Variants in UNC79 observed in about 807,000 individuals in gnomAD.
The protein encoded by UNC79 is unc-79 subunit of NALCN channel complex, also known as protein unc-79 homolog.
UNC79 carries 37 observed loss-of-function variants against 283.1 expected under a neutral mutation model. The ratio of observed to expected loss-of-function variants is 0.13; its 90% CI spans 0.10 to 0.17. The LOEUF (loss-of-function observed/expected upper bound fraction) is 0.17. Among genes scored for constraint, UNC79 ranks in the 10% least tolerant of loss-of-function variants. UNC79 has a pLI of 1.00. For synonymous variants in UNC79, 1,107 were observed against 1,200.2 expected (o/e 0.92, Z 1.61); for missense variants, 2,272 against 3,211.1 (o/e 0.71, Z 7.07).
chr14:93,605,978 A>G (rs1160097349), intron 26 of UNC79, among the ~76,000 whole-genome samples: 2 of 152,144 alleles, frequency 1.3e-5, no homozygotes, highest in South Asian at 2.1e-4. Flanking sequence ...GATTTTTTTT[A>G]AAAGAATAAA....
chr14:93,478,379 C>A (rs538701225), intron 4 of UNC79, among the ~76,000 whole-genome samples: 2 of 152,022 alleles, frequency 1.3e-5, no homozygotes, highest in Non-Finnish European at 2.9e-5. Context: ...TCCAGACATG[C>A]GCACAAAGAG....
intron 12 of UNC79, among the ~76,000 whole-genome samples, chr14:93,539,145 C>T (rs2061245433): frequency 6.6e-6 from 1 of 150,660 alleles, no homozygotes; most frequent in East Asian, 2.0e-4. Flanking sequence ...TCAGATGATC[C>T]ACCCGCCTGG....
At chr14:93,514,434 G>A (rs2059966043) in intron 7 of UNC79, among the ~76,000 whole-genome samples, 1 of 152,088 alleles carries the variant, frequency 6.6e-6, no homozygotes, top group Non-Finnish European at 1.5e-5. Flanking sequence ...TCTTTGCTTT[G>A]GCTACATTGG....
chr14:93,633,947 T>TA (rs1464228816), intron 31 of UNC79, among the ~76,000 whole-genome samples: 7 of 152,164 alleles, frequency 4.6e-5, no homozygotes, highest in Non-Finnish European at 8.8e-5. Context: ...TTGGAGTTGA[T>TA]ATGTTTTGGT....
At chr14:93,578,983 A>ATT (rs2063627394) in intron 18 of UNC79, among the ~76,000 whole-genome samples, 1 of 151,814 alleles carries the variant, frequency 6.6e-6, no homozygotes, top group South Asian at 2.1e-4. Context: ...ATTATTTTTA[A>ATT]TTTTTGTGGG....
intron 14 of UNC79, among the ~76,000 whole-genome samples, chr14:93,565,245 G>C (rs1330382154): frequency 2.0e-5 from 3 of 152,158 alleles, no homozygotes; most frequent in Non-Finnish European, 4.4e-5. Flanking sequence ...ATTGGTCGTT[G>C]GGTTGGGGCT....
chr14:93,626,854 A>G (rs2067608375), intron 30 of UNC79, among the ~76,000 whole-genome samples: 1 of 152,166 alleles, frequency 6.6e-6, no homozygotes. Flanking sequence ...ACAACTCTAT[A>G]CTATCTCCAA....
intron 7 of UNC79, among the ~76,000 whole-genome samples, chr14:93,499,310 A>G (rs2059173475): frequency 6.6e-6 from 1 of 152,256 alleles, no homozygotes; most frequent in African/African-American, 2.4e-5. Context: ...CATTAATAGA[A>G]TAAAAGGTGA....
intron 1 of UNC79, among the ~76,000 whole-genome samples, chr14:93,414,958 A>C (rs1476313187): frequency 2.0e-5 from 3 of 152,200 alleles, no homozygotes; most frequent in African/African-American, 7.2e-5. Flanking sequence ...CAGTCATGTC[A>C]TCTGCAAACA....
intron 24 of UNC79, among the ~76,000 whole-genome samples, chr14:93,599,532 C>T (rs983676795): frequency 2.0e-5 from 3 of 152,182 alleles, no homozygotes; most frequent in Non-Finnish European, 4.4e-5. Context: ...CTCCAGTTGA[C>T]TTCTGAATAG....
chr14:93,627,070 C>A lies in UNC79; in HGVS notation c.5609-3731C>A, dbSNP rs145342818. Among the ~76,000 whole-genome samples the A allele has an allele frequency of 6.2e-3, 937 of 152,288 alleles. 7 individuals are homozygous for A. Among genetic ancestry groups the A allele is most frequent in the Middle Eastern group, 0.041 (12 of 294 alleles). ...GTGATACCCTGTCTCTTAAAAAAAT[C>A]ATTCCTATGAAGCTTTCATTCCTAC... On this transcript the variant is annotated intron_variant, in intron 30 of 48. Coordinates refer to ENST00000555664, the Ensembl canonical transcript of UNC79.
intron 2 of UNC79, 43 bp downstream of exon 2, chr14:93,467,834 A>G: frequency 2.7e-6 from 4 of 1,460,738 alleles, no homozygotes; most frequent in African/African-American, 2.9e-5. Context: ...ATTATTAGGT[A>G]GTATTGCTGA....
chr14:93,363,090 G>C (rs1029302595), intron 1 of UNC79, among the ~76,000 whole-genome samples: 2 of 151,998 alleles, frequency 1.3e-5, no homozygotes, highest in Non-Finnish European at 2.9e-5. Flanking sequence ...ACTTTTTGAC[G>C]TGGGTATTTA....
intron 7 of UNC79, among the ~76,000 whole-genome samples, chr14:93,520,655 T>C (rs548246318): frequency 6.6e-6 from 1 of 152,116 alleles, no homozygotes; most frequent in African/African-American, 2.4e-5. Flanking sequence ...AGTTTTGTTA[T>C]GTCTCCTAAT....
chr14:93,418,641 A>C (rs1447063856), intron 1 of UNC79, among the ~76,000 whole-genome samples: 5 of 151,544 alleles, frequency 3.3e-5, no homozygotes, highest in African/African-American at 1.2e-4. Flanking sequence ...CCTACAGAGG[A>C]AGGCAGGCCT....
chr14:93,583,626 T>C (rs1363843976), intron 20 of UNC79, among the ~76,000 whole-genome samples: 1 of 152,178 alleles, frequency 6.6e-6, no homozygotes, highest in Non-Finnish European at 1.5e-5. Flanking sequence ...GTGAGCTGGT[T>C]CACTGGTTTT....
intron 40 of UNC79, among the ~76,000 whole-genome samples, chr14:93,666,920 A>AT (rs1284167636): frequency 5.3e-5 from 8 of 152,198 alleles, no homozygotes; most frequent in Non-Finnish European, 1.0e-4. Context: ...CCTGGGCAAC[A>AT]TAACAAGACC....
intron 14 of UNC79, among the ~76,000 whole-genome samples, chr14:93,543,200 A>T (rs1392702194): frequency 3.0e-5 from 4 of 135,070 alleles, no homozygotes; most frequent in African/African-American, 1.1e-4. Context: ...TTTTTTAATC[A>T]TGTATATATA....
chr14:93,616,914 T>C (rs2066773195), intron 27 of UNC79, among the ~76,000 whole-genome samples: 1 of 152,208 alleles, frequency 6.6e-6, no homozygotes, highest in Non-Finnish European at 1.5e-5. Context: ...TAAAACTATT[T>C]TCATTTACAA....
Sources: gnomAD v4.1 joint callset for allele counts (sites outside exome capture counted in the v4.1 genomes callset) on GRCh38, gnomAD v4.1.1 for gene constraint, MANE v1.5 for transcripts, NCBI Gene and HGNC (gene_info 2026-07-23, HGNC 2026-07-21) for gene names.